The following LHX6 variants were observed in gnomAD, a reference collection of about 807,000 sequenced individuals.
The protein encoded by LHX6 is LIM homeobox 6, also known as LIM/homeobox protein Lhx6.
Under a neutral mutation model 47.1 loss-of-function variants are expected in LHX6, and 15 were observed. The ratio of observed to expected loss-of-function variants is 0.32; its 90% confidence interval spans 0.21 to 0.49. LHX6 has a LOEUF of 0.49. Ranked by LOEUF, LHX6 falls within the 20% of genes least tolerant of loss-of-function variation. LHX6 has a pLI of 0.99. For synonymous variants in LHX6, 242 were observed against 233.5 expected, an observed-to-expected ratio of 1.04 and a Z score of -0.33; for missense variants, 404 against 539.6, an observed-to-expected ratio of 0.75 and a Z score of 2.49.
rs1179298644 is a variant in LHX6 at position 122,226,277 on chromosome 9, C to G, written c.461+99G>C. On this transcript the variant is annotated intron_variant, in intron 4 of 9. Transcript: ENST00000394319. This position sits in a 1 kb window ranked among gnomAD's most constrained non-coding sequence, Gnocchi z 6.5. ...CGCGCCGGAAGTGCACTCGGGACGCCGGGGTTCTGGAGGAGAGACCACACG... is the reference window on the plus strand; with the variant it reads ...CGCGCCGGAAGTGCACTCGGGACGCGGGGGTTCTGGAGGAGAGACCACACG... 1.4e-6 allele frequency: 2 copies of G among 1,449,468 alleles called. No individual in the cohort carries two copies. Among genetic ancestry groups the G allele is most frequent in the Non-Finnish European group, 9.2e-7 (1 of 1,084,144 alleles). 89.8% of individuals were successfully genotyped at this position (1,449,468 alleles called of 1,614,324 possible).
intron 9 of LHX6, among the ~76,000 whole-genome samples, chr9:122,209,368 AC>A (rs1257163909): frequency 6.6e-6 from 1 of 152,232 alleles, no homozygotes; most frequent in Non-Finnish European, 1.5e-5. Context: ...CAAATCTAAG[AC>A]AGAGCAGGGC....
At chr9:122,228,432 T>C (rs1177238003) in intron 1 of LHX6, 1 of 1,459,660 alleles carries the variant, frequency 6.9e-7, no homozygotes, top group Non-Finnish European at 9.0e-7. Context: ...CTTTACTAAA[T>C]CGCTTTTTGA....
intron 1 of LHX6, chr9:122,227,706 C>G (rs921270719): frequency 1.1e-6 from 1 of 938,980 alleles, no homozygotes; most frequent in Non-Finnish European, 1.4e-6. Flanking sequence ...TCTCCCTGCA[C>G]TTAACCCGTG....
Position 122,213,544 on chromosome 9 carries a change from C to G in LHX6, c.1054+62G>C. 1.4e-6 allele frequency: 2 copies of G among 1,447,626 alleles called. No homozygotes were observed. Among genetic ancestry groups the G allele is most frequent in the South Asian group, 1.4e-5 (1 of 72,224 alleles). The allele number at this position is 1,447,626 out of a possible 1,614,324, so 89.7% of individuals were successfully genotyped here. ...CCCACGCCTCGGCCTCAGCCGCCCA[C>G]GTGCGCTCCTCCGCGCCCCCTCCCC... On this transcript the variant is annotated intron_variant, in intron 8 of 9. Transcript: ENST00000394319. The surrounding 1 kb of genome is among the most constrained non-coding windows in gnomAD (Gnocchi z 5.5).
chr9:122,214,370 C>T lies in LHX6; in HGVS notation c.696G>A (p.Thr232=), dbSNP rs148096760. ...GTTCCGAGGGCACTGCCCCCTCCAA[C>T]GTGAGGCCGTTCCCTGGGGGCGATA... is the stretch of plus-strand genomic sequence containing the variant. The part of the protein sequence containing the change: ...KRAAENGNGL[T]LEGAVPSEQD... The change falls in exon 6 of 10, where the codon ACG becomes ACA. Residue 232 remains threonine, a synonymous_variant. Transcript: ENST00000394319. This position sits in a 1 kb window ranked among gnomAD's most constrained non-coding sequence, Gnocchi z 4.6. 6.4e-7 allele frequency: 1 copy of T among 1,569,312 alleles called. No homozygotes were observed. The highest frequency in any genetic ancestry group is 8.6e-7 in the Non-Finnish European group (1 of 1,162,772).
At chr9:122,208,523 G>A (rs991768502) in intron 9 of LHX6, among the ~76,000 whole-genome samples, 6 of 152,154 alleles carry the variant, frequency 3.9e-5, no homozygotes, top group Non-Finnish European at 7.3e-5. Context: ...AAATAAACAA[G>A]TCAGTGAATT....
In LHX6 at chr9:122,213,819, A is replaced by G. The variant is rs376726088; in HGVS notation, c.880-39T>C. 188 of 1,554,394 alleles carry G rather than the reference A, an allele frequency of 1.2e-4. No homozygotes were observed. Among genetic ancestry groups the G allele is most frequent in the Non-Finnish European group, 2.1e-5 (24 of 1,150,010 alleles). ...CTCGGCAGCCTCAGCCTCGAGGAAA[A>G]GAGTCGGACGCGCCGCCGGGAGACC... is the stretch of plus-strand genomic sequence containing the variant. On this transcript the variant is annotated intron_variant, in intron 7 of 9. Transcript: ENST00000394319. The surrounding 1 kb of genome is among the most constrained non-coding windows in gnomAD (Gnocchi z 5.5).
chr9:122,228,193 G>A (rs1187573320), intron 1 of LHX6: 4 of 1,441,302 alleles, frequency 2.8e-6, no homozygotes, highest in Non-Finnish European at 3.8e-6. Flanking sequence ...CCAGTCGGAG[G>A]GAAACCCGGA....
intron 4 of LHX6, among the ~76,000 whole-genome samples, chr9:122,222,413 A>T (rs891936949): frequency 3.3e-5 from 5 of 151,620 alleles, no homozygotes; most frequent in Admixed American, 6.6e-5. Flanking sequence ...TTCTGGTGGT[A>T]TTTTTTTTTC....
intron 1 of LHX6, 175 bp from the exon 2 acceptor site, chr9:122,227,655 C>A: frequency 1.5e-6 from 2 of 1,310,204 alleles, no homozygotes; most frequent in Non-Finnish European, 9.8e-7. Flanking sequence ...TCTAATGAAG[C>A]AATTTGAATT....
At position 122,204,087 on chromosome 9, in the gene LHX6, A is replaced by G. The variant is rs534831234; in HGVS notation, c.*673T>C. 6.6e-6 allele frequency: 1 copy of G among 152,178 alleles called. No individual in the cohort carries two copies. The highest frequency in any genetic ancestry group is 1.5e-5 in the Non-Finnish European group (1 of 68,048). 9.4% of individuals were successfully genotyped at this position (152,178 alleles called of 1,614,324 possible). ...CGCCCTCTCCTTGATTTCCAAACCA[A>G]TGGGGGTCTTTCTTCTCCCCATTCC... On this transcript the variant is annotated 3_prime_UTR_variant, in exon 10 of 10. Coordinates refer to ENST00000394319, the MANE Select transcript of LHX6 (RefSeq NM_014368.5).
At chr9:122,205,204 G>A (rs1272576852) in intron 9 of LHX6, among the ~76,000 whole-genome samples, 1 of 152,190 alleles carries the variant, frequency 6.6e-6, no homozygotes, top group Non-Finnish European at 1.5e-5. Flanking sequence ...GCGAGGAGGA[G>A]GACCTGGCAC....
Position 122,214,158 on chromosome 9 carries a change from C to T in LHX6, c.784-89G>A. The T allele has an allele frequency of 2.1e-6, 3 of 1,435,974 alleles. No homozygotes were observed. Among genetic ancestry groups the T allele is most frequent in the Non-Finnish European group, 2.8e-6 (3 of 1,069,214 alleles). The allele number at this position is 1,435,974 out of a possible 1,614,324, so 89.0% of individuals were successfully genotyped here. On this transcript the variant is annotated intron_variant, in intron 6 of 9. Transcript: ENST00000394319. The surrounding 1 kb of genome is among the most constrained non-coding windows in gnomAD (Gnocchi z 4.6). ...GCGGCGCCAGTCCACAGGCCACGCCCCAGGCAGCTGCGGCCCCGCCCCGCC... is the reference window on the plus strand; with the variant it reads ...GCGGCGCCAGTCCACAGGCCACGCCTCAGGCAGCTGCGGCCCCGCCCCGCC...
At position 122,228,904 on chromosome 9, in the gene LHX6, G is replaced by T. The variant is rs1588369321; in HGVS notation, c.-164C>A. On this transcript the variant is annotated 5_prime_UTR_variant, in exon 1 of 10. Transcript: ENST00000394319. ...CTCAGCCCCCGCCCCCGGCCCGCGC[G>T]CAGCCCCGGCCTCCCTGGCTGCTGC... 3.6e-6 allele frequency: 1 copy of T among 280,232 alleles called. No homozygotes were observed. The highest frequency in any genetic ancestry group is 6.0e-6 in the Non-Finnish European group (1 of 167,678). 17.4% of individuals were successfully genotyped at this position (280,232 alleles called of 1,614,324 possible). A position where few individuals can be genotyped will look rare whatever the true frequency, so the allele number is the denominator to read the frequency against.
intron 4 of LHX6, among the ~76,000 whole-genome samples, chr9:122,223,586 C>A (rs1476673661): frequency 1.3e-5 from 2 of 152,174 alleles, no homozygotes; most frequent in Non-Finnish European, 2.9e-5. Flanking sequence ...GAACTAAGGG[C>A]CGAGAGAAGC....
chr9:122,227,578 G>A, intron 1 of LHX6, 98 bp from the exon 2 acceptor site: 1 of 1,409,330 alleles, frequency 7.1e-7, no homozygotes, highest in Non-Finnish European at 9.2e-7. Flanking sequence ...ATATAAACCG[G>A]CGCCGAACAA....
chr9:122,227,832 T>G, intron 1 of LHX6: 1 of 348,242 alleles, frequency 2.9e-6, no homozygotes. Context: ...ATGCCCAAGA[T>G]AAGAGGTAGC....
Position 122,226,509 on chromosome 9 carries a change from G to A in LHX6, c.340-12C>T, listed in dbSNP as rs999311565. The A allele has an allele frequency of 1.7e-5, 28 of 1,611,608 alleles. No individual in the cohort carries two copies. The highest frequency in any genetic ancestry group is 2.4e-5 in the Non-Finnish European group (28 of 1,179,490). On this transcript the variant is annotated splice_polypyrimidine_tract_variant and intron_variant, in intron 3 of 9. Transcript: ENST00000394319. This position sits in a 1 kb window ranked among gnomAD's most constrained non-coding sequence, Gnocchi z 6.5. Reference sequence around the variant, plus strand: ...ATGAGGTTGTTGACCTGGGGACGGGGCGGGGACGGAGGTCGGCTCAGCGCG... The same window carrying A: ...ATGAGGTTGTTGACCTGGGGACGGGACGGGGACGGAGGTCGGCTCAGCGCG...
rs558067676 is a variant in LHX6, at chr9:122,226,048, C to G, written c.461+328G>C. ...GTGGGTCCGGGCCAGAAATGGGGAC[C>G]TCAGAGCTCCACCGAGGCGCTCGAG... On this transcript the variant is annotated intron_variant, in intron 4 of 9. Transcript: ENST00000394319. This position sits in a 1 kb window ranked among gnomAD's most constrained non-coding sequence, Gnocchi z 6.5. 1.7e-4 allele frequency among the ~76,000 whole-genome samples: 26 copies of G among 152,266 alleles called. No homozygotes were observed. The South Asian group carries it at 4.8e-3, about 28-fold the overall frequency.
Sources: gnomAD v4.1 joint callset for allele counts (sites outside exome capture counted in the v4.1 genomes callset) on GRCh38, gnomAD v4.1.1 for gene constraint, Gnocchi (gnomAD v3.1) non-coding constraint, MANE v1.5 for transcripts, NCBI Gene and HGNC (gene_info 2026-07-23, HGNC 2026-07-21) for gene names.